Variants in SETD2 observed in about 807,000 individuals in gnomAD.
The protein encoded by SETD2 is histone-lysine N-methyltransferase SETD2.
SETD2 carries 31 observed loss-of-function variants against 242.1 expected under a neutral mutation model. The ratio of observed to expected loss-of-function variants is 0.13; its 90% CI spans 0.10 to 0.17. SETD2 has a LOEUF of 0.17. SETD2 is among the 10% of genes least tolerant of loss of function. The pLI is 1.00. For synonymous variants in SETD2, 1,006 were observed against 1,066.5 expected (o/e 0.94, Z 1.11); for missense variants, 2,481 against 3,046.3 (o/e 0.81, Z 4.37).
intron 18 of SETD2, among the ~76,000 whole-genome samples, chr3:47,026,347 T>C (rs60120622): frequency 0.35 from 53,178 of 152,138 alleles, 9,755 homozygotes; most frequent in Middle Eastern, 0.49. Context: ...TGCTTTTACA[T>C]TGTTGGTGGG....
At chr3:47,058,457 AAAAAAAAC>A (rs2040178618) in intron 14 of SETD2, among the ~76,000 whole-genome samples, 2 of 148,914 alleles carry the variant, frequency 1.3e-5, no homozygotes, top group African/African-American at 5.0e-5. Context: ...AAAAAAAAAA[AAAAAAAAC>A]ACAAAGAGGG....
chr3:47,066,979 A>G (rs989030707), intron 13 of SETD2, 91 bp downstream of exon 13: 1 of 946,788 alleles, frequency 1.1e-6, no homozygotes, highest in Non-Finnish European at 1.6e-6. Context: ...AGTTTCAAAA[A>G]CAAAAACGCT....
rs895433658 is a variant in SETD2, at chr3:47,019,686, A to G, written c.7431+74T>C. 4.3e-5 allele frequency: 54 copies of G among 1,268,012 alleles called. No homozygotes were observed. The East Asian group carries it at 1.2e-3, about 29-fold the overall frequency. 78.5% of individuals were successfully genotyped at this position (1,268,012 alleles called of 1,614,324 possible). On this transcript the variant is annotated intron_variant, in intron 19 of 20. Transcript: ENST00000409792. ...TCTTGGGGCAAAGGAGATATTCGAC[A>G]TACTTAGGACAAGAAATGAAAGGGT...
At chr3:47,125,766 T>C (rs2043306429) in intron 2 of SETD2, among the ~76,000 whole-genome samples, 1 of 152,240 alleles carries the variant, frequency 6.6e-6, no homozygotes, top group Admixed American at 6.5e-5. Flanking sequence ...TGGTTAGCCT[T>C]GGAAGTTCAA....
intron 1 of SETD2, among the ~76,000 whole-genome samples, chr3:47,152,753 C>T (rs2044019677): frequency 6.6e-6 from 1 of 152,196 alleles, no homozygotes; most frequent in South Asian, 2.1e-4. Flanking sequence ...GGAAGAACTA[C>T]AATTGGAAAC....
At chr3:47,070,993 C>A (rs2040795722) in intron 12 of SETD2, among the ~76,000 whole-genome samples, 1 of 152,110 alleles carries the variant, frequency 6.6e-6, no homozygotes. Flanking sequence ...GTCTTAGCCT[C>A]CCGAAGTGCT....
chr3:47,099,047 C>T (rs1257328489), intron 8 of SETD2, among the ~76,000 whole-genome samples: 3 of 152,154 alleles, frequency 2.0e-5, no homozygotes, highest in South Asian at 2.1e-4. Context: ...CAGACAGAAT[C>T]GGAAACAACC....
At chr3:47,076,979 G>C (rs977748650) in intron 12 of SETD2, among the ~76,000 whole-genome samples, 1 of 152,160 alleles carries the variant, frequency 6.6e-6, no homozygotes, top group Admixed American at 6.5e-5. Context: ...CATAATGAAG[G>C]GTTACATGAA....
intron 16 of SETD2, among the ~76,000 whole-genome samples, chr3:47,046,269 G>A (rs1353700753): frequency 3.3e-5 from 5 of 151,508 alleles, no homozygotes; most frequent in Non-Finnish European, 7.4e-5. Context: ...ACCAGGAGGT[G>A]GAGGTTGCAG....
chr3:47,045,145 T>C (rs2039463286), intron 16 of SETD2, among the ~76,000 whole-genome samples: 3 of 151,882 alleles, frequency 2.0e-5, no homozygotes, highest in African/African-American at 7.3e-5. Context: ...CCCAACACTT[T>C]GGGAGGCTGA....
rs1371359974 is a variant in SETD2 at position 47,116,611 on chromosome 3, T to C, written c.4586+12A>G. ...AGTGTTGAGCAAAAGCCGAGTATTC[T>C]AATTTACTTACCATTCAATCATGAG... On this transcript the variant is annotated intron_variant, in intron 4 of 20. Coordinates refer to ENST00000409792, the MANE Select transcript of SETD2 (RefSeq NM_014159.7). 2.5e-6 allele frequency: 4 copies of C among 1,602,974 alleles called. No individual in the cohort carries two copies. In the Admixed American group the frequency reaches 6.9e-5, roughly 28 times the overall value.
chr3:47,036,947 T>C (rs555210087), intron 18 of SETD2, among the ~76,000 whole-genome samples: 1 of 141,348 alleles, frequency 7.1e-6, no homozygotes, highest in Non-Finnish European at 1.5e-5. Context: ...CCTGAAGCGA[T>C]CATAGTAATG....
chr3:47,101,405 G>T (rs2107682344), intron 8 of SETD2, 53 bp downstream of exon 8: 1 of 923,812 alleles, frequency 1.1e-6, no homozygotes, highest in Non-Finnish European at 1.7e-6. Flanking sequence ...CCTTATATCT[G>T]AACAGCCTAT....
intron 1 of SETD2, among the ~76,000 whole-genome samples, chr3:47,135,679 G>C (rs971970036): frequency 3.3e-5 from 5 of 152,070 alleles, no homozygotes; most frequent in Non-Finnish European, 7.4e-5. Flanking sequence ...GTGCCACTCT[G>C]TTCCCTTACT....
intron 5 of SETD2, among the ~76,000 whole-genome samples, chr3:47,112,237 C>T (rs2042683455): frequency 6.6e-6 from 1 of 151,638 alleles, no homozygotes; most frequent in African/African-American, 2.4e-5. Context: ...GCCTCAGCCT[C>T]CCGAGTAGCT....
intron 18 of SETD2, among the ~76,000 whole-genome samples, chr3:47,029,747 T>A (rs2038679113): frequency 6.6e-6 from 1 of 152,362 alleles, no homozygotes; most frequent in South Asian, 2.1e-4. Context: ...AGGGGCTTTA[T>A]CATGCAAAGT....
intron 17 of SETD2, 26 bp from the exon 18 acceptor site, chr3:47,037,803 C>T: frequency 6.6e-7 from 1 of 1,525,388 alleles, no homozygotes; most frequent in South Asian, 1.1e-5. Context: ...AACAGCCATG[C>T]TGTCAGGGCT....
intron 5 of SETD2, among the ~76,000 whole-genome samples, chr3:47,109,755 C>A (rs993991111): frequency 6.6e-6 from 1 of 151,888 alleles, no homozygotes; most frequent in African/African-American, 2.4e-5. Flanking sequence ...GGAAGCCAAG[C>A]CAGGCGGATC....
chr3:47,058,440 CAA>C (rs1174283471), intron 14 of SETD2, among the ~76,000 whole-genome samples: 38 of 21,970 alleles, frequency 1.7e-3, no homozygotes, highest in African/African-American at 9.2e-3. Context: ...GACACCGTCT[CAA>C]AAAAAAAAAA....
Sources: gnomAD v4.1 joint callset for allele counts (sites outside exome capture counted in the v4.1 genomes callset) on GRCh38, gnomAD v4.1.1 for gene constraint, MANE v1.5 for transcripts, NCBI Gene and HGNC (gene_info 2026-07-23, HGNC 2026-07-21) for gene names.